C12orf54: variants seen among roughly 807,000 people sequenced by gnomAD.
C12orf54 encodes chromosome 12 open reading frame 54, also known as uncharacterized protein C12orf54.
Under a neutral mutation model 26.4 loss-of-function variants are expected in C12orf54, and 24 were observed. That is an observed-to-expected ratio of 0.91 (90% CI 0.66 to 1.28). C12orf54 has a LOEUF of 1.28. Ranked by LOEUF, C12orf54 falls within the 50% of genes most tolerant of loss-of-function variation. The pLI is 0.00. For missense variants in C12orf54, 154 were observed against 150.9 expected, an observed-to-expected ratio of 1.02 and a Z score of -0.11; for synonymous variants, 54 against 47.0, an observed-to-expected ratio of 1.15 and a Z score of -0.61.
chr12:48,427,747 G>A, the C12orf54 span, among the ~76,000 whole-genome samples: 1 of 152,024 alleles, frequency 6.6e-6, no homozygotes, highest in Non-Finnish European at 1.5e-5. Flanking sequence ...TCCATTGACA[G>A]CACTAGACAG....
the C12orf54 span, among the ~76,000 whole-genome samples, chr12:48,423,852 G>A: frequency 6.6e-6 from 1 of 151,606 alleles, no homozygotes; most frequent in Non-Finnish European, 1.5e-5. Flanking sequence ...TACTATACTG[G>A]CCAGAACTAC....
chr12:48,494,666 C>T, intron 7 of C12orf54, 132 bp from the exon 8 acceptor site: 1 of 1,009,928 alleles, frequency 9.9e-7, no homozygotes, highest in Non-Finnish European at 1.4e-6. Context: ...AATTGCAACT[C>T]CCAGAGCCTG....
At chr12:48,476,418 G>A in the C12orf54 span, among the ~76,000 whole-genome samples, 11 of 152,168 alleles carry the variant, frequency 7.2e-5, no homozygotes, top group Admixed American at 1.3e-4. Flanking sequence ...ATGTAAATGG[G>A]CTAAATGCTC....
the C12orf54 span, chr12:48,473,629 T>C: frequency 3.8e-6 from 1 of 262,170 alleles, no homozygotes; most frequent in African/African-American, 2.2e-5. Context: ...TCTTTATTTT[T>C]TCCCCCTACT....
the C12orf54 span, among the ~76,000 whole-genome samples, chr12:48,471,299 G>A: frequency 3.9e-5 from 6 of 152,228 alleles, no homozygotes; most frequent in East Asian, 1.2e-3. Flanking sequence ...TGGCTGACGA[G>A]TACTCCATTG....
chr12:48,496,174 T>C lies in C12orf54; in HGVS notation c.*41-7T>C, dbSNP rs1379477592. Reference sequence around the variant, plus strand: ...TATTCCCATCCATATGACTATGTCATCTACAGCACAGCTTCAGTTGGGGAA... The same window carrying C: ...TATTCCCATCCATATGACTATGTCACCTACAGCACAGCTTCAGTTGGGGAA... On this transcript the variant is annotated splice_region_variant and splice_polypyrimidine_tract_variant and intron_variant, in intron 8 of 8. Coordinates refer to ENST00000548364, the MANE Select transcript of C12orf54 (RefSeq NM_152319.4). The C allele has an allele frequency of 1.3e-5, 2 of 152,290 alleles. No individual in the cohort carries two copies. Among genetic ancestry groups the C allele is most frequent in the Non-Finnish European group, 2.9e-5 (2 of 68,042 alleles). 9.4% of individuals were successfully genotyped at this position (152,290 alleles called of 1,614,324 possible). A position where few individuals can be genotyped will look rare whatever the true frequency, so the allele number is the denominator to read the frequency against.
the C12orf54 span, among the ~76,000 whole-genome samples, chr12:48,438,884 C>A: frequency 1.3e-5 from 2 of 152,082 alleles, no homozygotes; most frequent in Admixed American, 6.5e-5. Context: ...GCAATGGCAA[C>A]AAAAGCCCAA....
the C12orf54 span, among the ~76,000 whole-genome samples, chr12:48,423,135 A>T: frequency 1.7e-4 from 26 of 152,242 alleles, no homozygotes; most frequent in African/African-American, 6.3e-4. Context: ...ATAATTTCTG[A>T]GTTGTTTTTG....
chr12:48,461,571 A>G, the C12orf54 span, among the ~76,000 whole-genome samples: 1 of 151,844 alleles, frequency 6.6e-6, no homozygotes, highest in Non-Finnish European at 1.5e-5. Flanking sequence ...TTATAAATCA[A>G]TGGCAAAAAG....
chr12:48,479,587 AG>A (rs1264340742), upstream of C12orf54, among the ~76,000 whole-genome samples: 4 of 150,284 alleles, frequency 2.7e-5, no homozygotes, highest in Non-Finnish European at 4.4e-5. Flanking sequence ...GCTACATGTC[AG>A]CTGGGTTTTG....
chr12:48,489,231 T>G lies in C12orf54; in HGVS notation c.168+275T>G, dbSNP rs1278992751. The G allele has an allele frequency of 4.9e-6, 3 of 616,560 alleles. No homozygotes were observed. In the African/African-American group the frequency reaches 5.4e-5, roughly 11 times the overall value. 38.2% of individuals were successfully genotyped at this position (616,560 alleles called of 1,614,324 possible). A position where few individuals can be genotyped will look rare whatever the true frequency, so the allele number is the denominator to read the frequency against. ...AGCAAGAATACTCTATGTGGTTGTA[T>G]GAAATGCTGATAATGACTAAGCTGG... On this transcript the variant is annotated intron_variant, in intron 5 of 8. Coordinates refer to ENST00000548364, the MANE Select transcript of C12orf54 (RefSeq NM_152319.4).
rs1397026364 is a variant in C12orf54, at chr12:48,492,613, A to G, written c.194-334A>G. Reference sequence around the variant, plus strand: ...GGAGAATTCAAGTCTTATTGTACCCATTTCCCACACAAAATAATGGAGATA... The same window carrying G: ...GGAGAATTCAAGTCTTATTGTACCCGTTTCCCACACAAAATAATGGAGATA... On this transcript the variant is annotated intron_variant, in intron 6 of 8. Coordinates refer to ENST00000548364, the MANE Select transcript of C12orf54 (RefSeq NM_152319.4). 2.0e-5 allele frequency among the ~76,000 whole-genome samples: 3 copies of G among 152,272 alleles called. No homozygotes were observed. The East Asian group carries it at 5.8e-4, about 29-fold the overall frequency.
chr12:48,474,044 G>A, the C12orf54 span, among the ~76,000 whole-genome samples: 1 of 152,180 alleles, frequency 6.6e-6, no homozygotes, highest in Admixed American at 6.5e-5. Context: ...GAGCCAGAGA[G>A]CTGAAAATGG....
At chr12:48,464,827 G>A in the C12orf54 span, among the ~76,000 whole-genome samples, 3 of 151,916 alleles carry the variant, frequency 2.0e-5, no homozygotes, top group South Asian at 2.1e-4. Flanking sequence ...GGAAAAAACT[G>A]TCTATTCAAT....
the C12orf54 span, among the ~76,000 whole-genome samples, chr12:48,428,238 C>T: frequency 6.6e-6 from 1 of 151,738 alleles, no homozygotes; most frequent in East Asian, 1.9e-4. Flanking sequence ...CACAAACTGA[C>T]AATCTAAGGT....
At chr12:48,450,860 A>G in the C12orf54 span, among the ~76,000 whole-genome samples, 1 of 152,096 alleles carries the variant, frequency 6.6e-6, no homozygotes, top group Non-Finnish European at 1.5e-5. Flanking sequence ...TAAAAAGGCC[A>G]AGACCAGACG....
chr12:48,426,476 G>T, the C12orf54 span, among the ~76,000 whole-genome samples: 11 of 152,044 alleles, frequency 7.2e-5, no homozygotes, highest in Admixed American at 7.2e-4. Context: ...ATGTTGTATT[G>T]GTTACTGTAG....
chr12:48,416,366 C>A, the C12orf54 span, among the ~76,000 whole-genome samples: 1 of 152,122 alleles, frequency 6.6e-6, no homozygotes, highest in Non-Finnish European at 1.5e-5. Context: ...TCTTTCTGTC[C>A]CCAATTAACT....
At chr12:48,462,158 A>G in the C12orf54 span, among the ~76,000 whole-genome samples, 1 of 151,372 alleles carries the variant, frequency 6.6e-6, no homozygotes, top group Admixed American at 6.6e-5. Flanking sequence ...AAATCAACAT[A>G]TTTCTTGAAA....
Sources: gnomAD v4.1 joint callset for allele counts (sites outside exome capture counted in the v4.1 genomes callset) on GRCh38, gnomAD v4.1.1 for gene constraint, MANE v1.5 for transcripts, NCBI Gene and HGNC (gene_info 2026-07-23, HGNC 2026-07-21) for gene names.